Variants in CDKN2C observed in about 807,000 individuals in gnomAD.
CDKN2C encodes cyclin-dependent kinase 4 inhibitor C.
Under a neutral mutation model 11.0 loss-of-function variants are expected in CDKN2C, and 5 were observed. The observed-to-expected ratio is 0.45, with a 90% CI of 0.24 to 0.95. CDKN2C has a LOEUF of 0.95. Among genes scored for constraint, CDKN2C ranks in the 40% least tolerant of loss-of-function variants. The pLI, the probability that CDKN2C is intolerant of heterozygous loss-of-function variation, is 0.21. For missense variants in CDKN2C, 161 were observed against 211.9 expected (o/e 0.76, Z 1.49); for synonymous variants, 79 against 88.3 (o/e 0.89, Z 0.59).
upstream of CDKN2C, among the ~76,000 whole-genome samples, chr1:50,966,089 T>C (rs915051046): frequency 4.9e-5 from 7 of 143,626 alleles, no homozygotes; most frequent in African/African-American, 1.3e-4. Flanking sequence ...CTATGTCTCT[T>C]TTTTTTTTTT....
At chr1:50,961,158 C>T (rs1222137848) in intron 1 of CDKN2C, among the ~76,000 whole-genome samples, 1 of 152,136 alleles carries the variant, frequency 6.6e-6, no homozygotes, top group Non-Finnish European at 1.5e-5. Flanking sequence ...GCCTCAGCCT[C>T]CATAGTAGCT....
chr1:50,970,259 A>G lies in CDKN2C; in HGVS notation c.-110A>G, dbSNP rs1443514396. 7.4e-7 allele frequency: 1 copy of G among 1,350,356 alleles called. No homozygotes were observed. Among genetic ancestry groups the G allele is most frequent in the Non-Finnish European group, 1.0e-6 (1 of 966,376 alleles). The allele number at this position is 1,350,356 out of a possible 1,614,324, so 83.6% of individuals were successfully genotyped here. On this transcript the variant is annotated 5_prime_UTR_variant, in exon 1 of 2. Coordinates refer to ENST00000371761, the MANE Select transcript of CDKN2C (RefSeq NM_078626.3). ...AGCTCTACTCCAGATTAACCATCCC[A>G]GTCCTTCTGTCAGTCTCCGATGCCA...
At chr1:50,968,884 G>GAAGGAAAA, upstream of CDKN2C, 1 of 152,436 alleles carries the variant, frequency 6.6e-6, no homozygotes, top group Admixed American at 6.5e-5. Context: ...GGGAGGGAGT[G>GAAGGAAAA]AAGGAAAAAA....
At chr1:50,961,013 T>TA (rs1645316629) in intron 1 of CDKN2C, among the ~76,000 whole-genome samples, 1 of 67,826 alleles carries the variant, frequency 1.5e-5, no homozygotes, top group East Asian at 3.9e-4. Context: ...AGTCAGTCTA[T>TA]TTTTATTTAT....
intron 1 of CDKN2C, among the ~76,000 whole-genome samples, chr1:50,961,657 A>T (rs778645757): frequency 3.3e-5 from 5 of 152,366 alleles, no homozygotes; most frequent in Non-Finnish European, 7.3e-5. Context: ...ATCATGTAGC[A>T]TGAAGGCCTA....
rs568412043 is a variant in CDKN2C at position 50,972,009 on chromosome 1, C to T, written c.129+1512C>T. On this transcript the variant is annotated intron_variant, in intron 1 of 1. Coordinates refer to ENST00000371761, the MANE Select transcript of CDKN2C (RefSeq NM_078626.3). ...GTCAAGAAATAACTTTCTTCAAAACCGTTTCCAATATTGCTATTATTTTCT... is the reference window on the plus strand; with the variant it reads ...GTCAAGAAATAACTTTCTTCAAAACTGTTTCCAATATTGCTATTATTTTCT... Among the ~76,000 whole-genome samples the T allele has an allele frequency of 9.9e-5, 15 of 152,138 alleles. No homozygotes were observed. The South Asian group carries it at 2.9e-3, about 29-fold the overall frequency.
chr1:50,969,993 T>G (rs1645370947), upstream of CDKN2C: 1 of 378,730 alleles, frequency 2.6e-6, no homozygotes, highest in Admixed American at 4.3e-5. The surrounding 1 kb of genome is among the most constrained non-coding windows in gnomAD (Gnocchi z 6.6). Context: ...CACACACTCC[T>G]CACAGAGATC....
At chr1:50,966,292 C>G (rs1645346958), upstream of CDKN2C, among the ~76,000 whole-genome samples, 1 of 151,888 alleles carries the variant, frequency 6.6e-6, no homozygotes, top group Non-Finnish European at 1.5e-5. Context: ...ATCTGCCCAC[C>G]TCAGCCTCCC....
rs2147956311 is a variant in CDKN2C, at chr1:50,970,270, C to T, written c.-99C>T. The T allele has an allele frequency of 6.9e-7, 1 of 1,444,518 alleles. No individual in the cohort carries two copies. Among genetic ancestry groups the T allele is most frequent in the Non-Finnish European group, 9.6e-7 (1 of 1,045,228 alleles). The allele number at this position is 1,444,518 out of a possible 1,614,324, so 89.5% of individuals were successfully genotyped here. A position where few individuals can be genotyped will look rare whatever the true frequency, so the allele number is the denominator to read the frequency against. On this transcript the variant is annotated 5_prime_UTR_variant, in exon 1 of 2. Coordinates refer to ENST00000371761, the MANE Select transcript of CDKN2C (RefSeq NM_078626.3). ...AGATTAACCATCCCAGTCCTTCTGT[C>T]AGTCTCCGATGCCATCATGCAGCCT...
chr1:50,965,524 A>G (rs1259358644), upstream of CDKN2C, among the ~76,000 whole-genome samples: 1 of 151,972 alleles, frequency 6.6e-6, no homozygotes, highest in African/African-American at 2.4e-5. Flanking sequence ...AGCCTGGCCA[A>G]TATAGTAAGA....
Position 50,974,125 on chromosome 1 carries a change from TC to T in CDKN2C, c.364del (p.Leu122TrpfsTer2). The T allele has an allele frequency of 6.2e-7, 1 of 1,614,126 alleles. No homozygotes were observed. Among genetic ancestry groups the T allele is most frequent in the Non-Finnish European group, 8.5e-7 (1 of 1,180,018 alleles). On this transcript the variant is annotated frameshift_variant, in exon 2 of 2. Coordinates refer to ENST00000371761, the MANE Select transcript of CDKN2C (RefSeq NM_078626.3). LOFTEE classifies it high-confidence loss of function. The stretch of plus-strand genomic sequence containing the variant: ...GAAGGCCACCTCCGGGTGGTGGAGT[TC>T]CTGGTGAAGCACACGGCCAGCAATG... Reference protein sequence around the residue: ...AKEGHLRVVEFLVKHTASNVG... With the variant: ...AKEGHLRVVEXLVKHTASNVG...
At chr1:50,973,065 C>T (rs548445795) in intron 1 of CDKN2C, among the ~76,000 whole-genome samples, 1 of 152,230 alleles carries the variant, frequency 6.6e-6, no homozygotes, top group Admixed American at 6.5e-5. Flanking sequence ...AGTTGTCCTA[C>T]AATAATTTCC....
In CDKN2C at chr1:50,964,702, C is replaced by A. The variant is rs1350461975; in HGVS notation, c.-1975-3234C>A. 2.6e-5 allele frequency among the ~76,000 whole-genome samples: 4 copies of A among 152,156 alleles called. No homozygotes were observed. The South Asian group carries it at 6.2e-4, about 24-fold the overall frequency. On this transcript the variant is annotated intron_variant, in intron 1 of 3. Transcript: ENST00000262662. ...ATCACAATTTCTGCCAGCCTCAATT[C>A]CCTCACCTGAAATACGGGGATTATT...
upstream of CDKN2C, chr1:50,969,964 A>G (rs1014524609): frequency 1.1e-5 from 3 of 271,996 alleles, no homozygotes; most frequent in Non-Finnish European, 2.1e-5. This position sits in a 1 kb window ranked among gnomAD's most constrained non-coding sequence, Gnocchi z 6.6. Context: ...GCCCCGATCT[A>G]TAGTCCCTTG....
chr1:50,961,905 C>T (rs1645326438), intron 1 of CDKN2C, among the ~76,000 whole-genome samples: 1 of 152,230 alleles, frequency 6.6e-6, no homozygotes, highest in African/African-American at 2.4e-5. Flanking sequence ...TGTTCAGTTT[C>T]ACTGAATATA....
At chr1:50,971,039 T>C (rs565119577) in intron 1 of CDKN2C, among the ~76,000 whole-genome samples, 2 of 152,324 alleles carry the variant, frequency 1.3e-5, no homozygotes, top group Admixed American at 6.5e-5. Context: ...TTACAGTTAA[T>C]GTAATACCAT....
chr1:50,965,087 T>TAGATAGAC (rs1207078152), intron 1 of CDKN2C, among the ~76,000 whole-genome samples: 1 of 151,802 alleles, frequency 6.6e-6, no homozygotes, highest in Middle Eastern at 3.2e-3. Context: ...GATAGATAGA[T>TAGATAGAC]AGATAGATAG....
In CDKN2C at chr1:50,970,250, A is replaced by T; in HGVS notation, c.-119A>T. 7.9e-7 allele frequency: 1 copy of T among 1,262,432 alleles called. No individual in the cohort carries two copies. The highest frequency in any genetic ancestry group is 1.3e-5 in the South Asian group (1 of 79,076). 78.2% of individuals were successfully genotyped at this position (1,262,432 alleles called of 1,614,324 possible). On this transcript the variant is annotated 5_prime_UTR_variant, in exon 1 of 2. Coordinates refer to ENST00000371761, the MANE Select transcript of CDKN2C (RefSeq NM_078626.3). ...TTACTACCAAGCTCTACTCCAGATT[A>T]ACCATCCCAGTCCTTCTGTCAGTCT...
chr1:50,961,144 T>G (rs1211454828), intron 1 of CDKN2C, among the ~76,000 whole-genome samples: 1 of 152,188 alleles, frequency 6.6e-6, no homozygotes, highest in African/African-American at 2.4e-5. Flanking sequence ...CAAGCGATTC[T>G]CCTGCCTCAG....
Sources: gnomAD v4.1 joint callset for allele counts (sites outside exome capture counted in the v4.1 genomes callset) on GRCh38, gnomAD v4.1.1 for gene constraint, Gnocchi (gnomAD v3.1) non-coding constraint, MANE v1.5 for transcripts, NCBI Gene and HGNC (gene_info 2026-07-23, HGNC 2026-07-21) for gene names.